Variants in SPSB1 observed in about 807,000 individuals in gnomAD.
SPSB1 encodes the protein splA/ryanodine receptor domain and SOCS box containing 1.
Under a neutral mutation model 21.2 loss-of-function variants are expected in SPSB1, and 8 were observed. The ratio of observed to expected loss-of-function variants is 0.38; its 90% CI spans 0.22 to 0.68. SPSB1 has a LOEUF of 0.68. SPSB1 is among the 30% of genes least tolerant of loss of function. The pLI is 0.53. For synonymous variants in SPSB1, 169 were observed against 161.7 expected (o/e 1.05, Z -0.34); for missense variants, 242 against 377.8 (o/e 0.64, Z 2.98).
chr1:9,361,156 C>CCTTTTTTTTTTTTTTTTTTTTTA, intron 2 of SPSB1, among the ~76,000 whole-genome samples: 2 of 102,578 alleles, frequency 1.9e-5, no homozygotes, highest in Non-Finnish European at 1.9e-5. Context: ...CTGTCATTTT[C>CCTTTTTTTTTTTTTTTTTTTTTA]TTTTTTTTTT....
chr1:9,330,886 A>G (rs1639905926), intron 1 of SPSB1, among the ~76,000 whole-genome samples: 2 of 151,894 alleles, frequency 1.3e-5, no homozygotes, highest in South Asian at 4.2e-4. Context: ...GTGATACCCA[A>G]GGGTTCCGGT....
chr1:9,303,159 G>A (rs1431582071), intron 1 of SPSB1, among the ~76,000 whole-genome samples: 1 of 152,236 alleles, frequency 6.6e-6, no homozygotes, highest in Non-Finnish European at 1.5e-5. Flanking sequence ...ATGAGGCAAG[G>A]AAGAGTGTGT....
At chr1:9,325,491 G>A (rs1025620938) in intron 1 of SPSB1, among the ~76,000 whole-genome samples, 4 of 152,174 alleles carry the variant, frequency 2.6e-5, no homozygotes, top group African/African-American at 9.7e-5. Flanking sequence ...TGGTGTGGGC[G>A]ACCCTAGGCC....
At chr1:9,360,581 G>A (rs1216583167) in intron 2 of SPSB1, among the ~76,000 whole-genome samples, 1 of 152,086 alleles carries the variant, frequency 6.6e-6, no homozygotes, top group African/African-American at 2.4e-5. Context: ...GCCTCCCCTC[G>A]CCCCTGGGGG....
intron 1 of SPSB1, among the ~76,000 whole-genome samples, chr1:9,299,582 C>T (rs1004835910): frequency 3.2e-4 from 48 of 152,062 alleles, no homozygotes; most frequent in Non-Finnish European, 1.8e-4. Flanking sequence ...CGGGTTCAAG[C>T]AATTCTCCTG....
chr1:9,325,897 A>C (rs557855520), intron 1 of SPSB1, among the ~76,000 whole-genome samples: 1 of 152,186 alleles, frequency 6.6e-6, no homozygotes, highest in East Asian at 1.9e-4. Context: ...AGGACTTGGG[A>C]AGTACAGAGA....
In SPSB1 at chr1:9,321,562, C is replaced by T. The variant is rs888238291; in HGVS notation, c.-150+28491C>T. Among the ~76,000 whole-genome samples the T allele has an allele frequency of 1.3e-5, 2 of 152,108 alleles. No homozygotes were observed. Among genetic ancestry groups the T allele is most frequent in the African/African-American group, 2.4e-5 (1 of 41,422 alleles). On this transcript the variant is annotated intron_variant, in intron 1 of 2. Coordinates refer to ENST00000328089, the MANE Select transcript of SPSB1 (RefSeq NM_025106.4). The surrounding 1 kb of genome is among the most constrained non-coding windows in gnomAD (Gnocchi z 4.8). ...AACGGGGAAGAGGGTGTTTGAGAGACTGATGAGTCAGTGAGGGAGACCGAT... is the reference window on the plus strand; with the variant it reads ...AACGGGGAAGAGGGTGTTTGAGAGATTGATGAGTCAGTGAGGGAGACCGAT...
rs1206230185 is a variant in SPSB1, at chr1:9,317,583, C to T, written c.-150+24512C>T. On this transcript the variant is annotated intron_variant, in intron 1 of 2. Coordinates refer to ENST00000328089, the MANE Select transcript of SPSB1 (RefSeq NM_025106.4). The surrounding 1 kb of genome is among the most constrained non-coding windows in gnomAD (Gnocchi z 4.3). The stretch of plus-strand genomic sequence containing the variant: ...CCTCCCAGGCTCGGGGATCCTCACA[C>T]CTCAGCCTCTTGAGTAGCTGGGACC... Among the ~76,000 whole-genome samples, 1 of 152,128 alleles carries T rather than the reference C, an allele frequency of 6.6e-6. No individual in the cohort carries two copies. Among genetic ancestry groups the T allele is most frequent in the African/African-American group, 2.4e-5 (1 of 41,410 alleles).
chr1:9,338,551 G>A (rs12568191), intron 1 of SPSB1, among the ~76,000 whole-genome samples: 30,127 of 152,206 alleles, frequency 0.2, 3,104 homozygotes, highest in East Asian at 0.29. Flanking sequence ...CCAGGAGGAA[G>A]TATACTTTCT....
Position 9,324,377 on chromosome 1 carries a change from C to T in SPSB1, c.-150+31306C>T, listed in dbSNP as rs1639777408. Among the ~76,000 whole-genome samples, 2 of 152,184 alleles carry T rather than the reference C, an allele frequency of 1.3e-5. No homozygotes were observed. ...GGTGAGTTCTGCTGCGATCCTGTGG[C>T]TCAGCACGTGGTAGGTCCTCAGTGA... On this transcript the variant is annotated intron_variant, in intron 1 of 2. Coordinates refer to ENST00000328089, the MANE Select transcript of SPSB1 (RefSeq NM_025106.4). This position sits in a 1 kb window ranked among gnomAD's most constrained non-coding sequence, Gnocchi z 4.3.
intron 1 of SPSB1, among the ~76,000 whole-genome samples, chr1:9,327,449 G>A (rs1244396040): frequency 6.6e-6 from 1 of 152,160 alleles, no homozygotes; most frequent in Non-Finnish European, 1.5e-5. Context: ...GGAAGGGGGT[G>A]TCATCGGGGG....
At chr1:9,353,212 G>A (rs1451009272) in intron 1 of SPSB1, among the ~76,000 whole-genome samples, 3 of 151,846 alleles carry the variant, frequency 2.0e-5, no homozygotes, top group African/African-American at 4.8e-5. Context: ...CTCGAGAGCC[G>A]CCTCGGCCCT....
At chr1:9,309,301 A>AGTGTGTGTGTGT (rs35952855) in intron 1 of SPSB1, among the ~76,000 whole-genome samples, 31 of 133,228 alleles carry the variant, frequency 2.3e-4, no homozygotes, top group African/African-American at 9.3e-4. Flanking sequence ...AGAGAGAGAG[A>AGTGTGTGTGTGT]GTGTGTGTGT....
intron 1 of SPSB1, among the ~76,000 whole-genome samples, chr1:9,350,507 G>A (rs774587594): frequency 2.1e-4 from 32 of 152,334 alleles, no homozygotes; most frequent in Admixed American, 1.2e-3. Flanking sequence ...GGACTATGAC[G>A]CCTCTGTCCT....
At chr1:9,361,174 T>TTTTC (rs1278704062) in intron 2 of SPSB1, among the ~76,000 whole-genome samples, 4 of 144,458 alleles carry the variant, frequency 2.8e-5, no homozygotes, top group African/African-American at 5.2e-5. Flanking sequence ...TTTTTTTTTT[T>TTTTC]TTTTTTTTTA....
At chr1:9,344,850 G>A (rs1640145502) in intron 1 of SPSB1, among the ~76,000 whole-genome samples, 1 of 151,964 alleles carries the variant, frequency 6.6e-6, no homozygotes, top group Admixed American at 6.6e-5. Flanking sequence ...TCAGCCTGCT[G>A]CTCATTATCC....
chr1:9,329,720 AAAG>A (rs1639883401), intron 1 of SPSB1, among the ~76,000 whole-genome samples: 2 of 151,258 alleles, frequency 1.3e-5, no homozygotes, highest in African/African-American at 2.4e-5. Context: ...AAAAAAAAAA[AAAG>A]AGAAAAGAAA....
intron 1 of SPSB1, among the ~76,000 whole-genome samples, chr1:9,313,950 C>T (rs111577931): frequency 0.03 from 4,544 of 152,188 alleles, 228 homozygotes; most frequent in African/African-American, 0.1. Context: ...CCTAGGCGGG[C>T]GGATCACTTG....
In SPSB1 at chr1:9,335,500, TC is replaced by T. The variant is rs1301677279; in HGVS notation, c.-149-20242del. The stretch of plus-strand genomic sequence containing the variant: ...CTGGGTGACAGAGCGAGTCTCTGTC[TC>T]AAAAAAAAAAAAAAGATCGTTGTGG... On this transcript the variant is annotated intron_variant, in intron 1 of 2. Transcript: ENST00000328089. Among the ~76,000 whole-genome samples, 502 of 98,220 alleles carry T rather than the reference TC, an allele frequency of 5.1e-3. 2 individuals are homozygous for T. Among genetic ancestry groups the T allele is most frequent in the African/African-American group, 0.017 (478 of 28,540 alleles). 64.4% of individuals were successfully genotyped at this position (98,220 alleles called of 152,430 possible). A position where few individuals can be genotyped will look rare whatever the true frequency, so the allele number is the denominator to read the frequency against.
Sources: allele counts gnomAD v4.1 joint callset (sites outside exome capture counted in the v4.1 genomes callset), GRCh38; gene constraint gnomAD v4.1.1; non-coding constraint Gnocchi (gnomAD v3.1); transcripts MANE v1.5; gene names NCBI Gene and HGNC (gene_info 2026-07-23, HGNC 2026-07-21).